TBC1D22B: variants seen among roughly 807,000 people sequenced by gnomAD.
TBC1D22B encodes chromosome 6 open reading frame 197.
In TBC1D22B, 32 loss-of-function variants were observed where a neutral mutation model predicts 69.1. That is an observed-to-expected ratio of 0.46 (90% CI 0.35 to 0.62). The LOEUF (loss-of-function observed/expected upper bound fraction) is 0.62. TBC1D22B is among the 20% of genes least tolerant of loss of function. The pLI is 0.00. For missense variants in TBC1D22B, 462 were observed against 630.9 expected, an observed-to-expected ratio of 0.73 and a Z score of 2.87; for synonymous variants, 206 against 229.8, an observed-to-expected ratio of 0.90 and a Z score of 0.94.
chr6:37,310,590 C>G (rs1035448848), intron 8 of TBC1D22B, among the ~76,000 whole-genome samples: 1 of 152,142 alleles, frequency 6.6e-6, no homozygotes, highest in Non-Finnish European at 1.5e-5. Flanking sequence ...ATTGCTTGAA[C>G]CTGGAAGGTA....
intron 7 of TBC1D22B, 143 bp from the exon 8 acceptor site, chr6:37,291,100 A>T: frequency 1.6e-6 from 1 of 638,798 alleles, no homozygotes; most frequent in Non-Finnish European, 2.8e-6. Flanking sequence ...TTGCATTTAT[A>T]TACTTCTTTA....
intron 2 of TBC1D22B, among the ~76,000 whole-genome samples, chr6:37,275,492 C>CT (rs552805501): frequency 6.1e-4 from 93 of 152,234 alleles, no homozygotes; most frequent in African/African-American, 2.2e-3. Flanking sequence ...TTTTTAGCTG[C>CT]TTTTTTCAAG....
In TBC1D22B at chr6:37,313,873, C is replaced by T; in HGVS notation, c.1147C>T (p.Leu383Phe). 1 of 1,614,152 alleles carries T rather than the reference C, an allele frequency of 6.2e-7. No individual in the cohort carries two copies. The highest frequency in any genetic ancestry group is 8.5e-7 in the Non-Finnish European group (1 of 1,179,990). ...GAAGAAGGTGAAGGCACTGGAAGAG[C>T]TTGTCAGCCGGATTGATGGTAGGTT... ...IQKKVKALEELVSRIDEQVHN... is the reference protein window; with the variant it reads ...IQKKVKALEEFVSRIDEQVHN... The change falls in exon 10 of 13, where the codon CTT becomes TTT. Residue 383 changes from leucine (L) to phenylalanine (F), a missense_variant. By Grantham distance (22) the Leu-to-Phe change is conservative. Around this residue, in one of 2 missense-constraint regions of TBC1D22B, gnomAD observed 225 missense variants for 375.4 expected, o/e 0.60. Coordinates refer to ENST00000373491, the MANE Select transcript of TBC1D22B (RefSeq NM_017772.4).
Position 37,316,695 on chromosome 6 carries a change from T to C in TBC1D22B, c.1166-8T>C. 6 of 1,614,176 alleles carry C rather than the reference T, an allele frequency of 3.7e-6. No homozygotes were observed. Among genetic ancestry groups the C allele is most frequent in the Non-Finnish European group, 5.1e-6 (6 of 1,180,012 alleles). ...TAGGTTGATCCCCAATGATGCTTCC[T>C]GTTTCAGAGCAGGTACATAATCACT... On this transcript the variant is annotated splice_polypyrimidine_tract_variant and splice_region_variant and intron_variant, in intron 10 of 12. Transcript: ENST00000373491.
At chr6:37,317,228 G>A in intron 12 of TBC1D22B, 22 bp downstream of exon 12, 6 of 1,552,366 alleles carry the variant, frequency 3.9e-6, no homozygotes, top group Non-Finnish European at 5.2e-6. Context: ...AGAGCTTAGT[G>A]TGGGCAGGGA....
chr6:37,307,348 C>T (rs1244630017), intron 8 of TBC1D22B, among the ~76,000 whole-genome samples: 9 of 147,150 alleles, frequency 6.1e-5, no homozygotes, highest in African/African-American at 2.5e-5. Context: ...ATTTTTTTTT[C>T]TTTTTTTTCT....
At position 37,282,288 on chromosome 6, in the gene TBC1D22B, C is replaced by G. The variant is rs144922505; in HGVS notation, c.525C>G (p.Ala175=). Residue 175 remains alanine, a synonymous_variant, in exon 4 of 13, where the codon GCC becomes GCG. Transcript: ENST00000373491. ...TCTCGGATCAGAACGCTTCTGGGGC[C>G]CCCCCAATGACTGTCCGGGAGAAAA... ...ARISDQNASG[A]PPMTVREKTR... 7 of 1,614,094 alleles carry G rather than the reference C, an allele frequency of 4.3e-6. No homozygotes were observed. In the East Asian group the frequency reaches 1.6e-4, roughly 36 times the overall value.
chr6:37,321,144 C>T (rs184349181), intron 12 of TBC1D22B, among the ~76,000 whole-genome samples: 2 of 152,206 alleles, frequency 1.3e-5, no homozygotes, highest in African/African-American at 2.4e-5. Context: ...TTGCAACAAT[C>T]CTACAAGGTA....
chr6:37,305,196 G>A (rs1767674332), intron 8 of TBC1D22B, among the ~76,000 whole-genome samples: 1 of 152,132 alleles, frequency 6.6e-6, no homozygotes, highest in Non-Finnish European at 1.5e-5. Flanking sequence ...CATCAGCTTT[G>A]CCCAGTCTGT....
At chr6:37,258,197 G>C in intron 1 of TBC1D22B, 1 of 565,484 alleles carries the variant, frequency 1.8e-6, no homozygotes, top group Non-Finnish European at 3.1e-6. Flanking sequence ...GGAGGTTTCA[G>C]GAGGGGTGAC....
At chr6:37,299,813 C>T (rs1334903973) in intron 8 of TBC1D22B, among the ~76,000 whole-genome samples, 2 of 151,656 alleles carry the variant, frequency 1.3e-5, no homozygotes, top group Non-Finnish European at 1.5e-5. Context: ...AGTTCCAGAC[C>T]AATTTGGTCA....
intron 3 of TBC1D22B, among the ~76,000 whole-genome samples, chr6:37,279,901 T>C (rs1766774472): frequency 6.6e-6 from 1 of 152,222 alleles, no homozygotes; most frequent in African/African-American, 2.4e-5. Flanking sequence ...GTCCACAACT[T>C]CTCTGGTTTG....
intron 7 of TBC1D22B, among the ~76,000 whole-genome samples, chr6:37,290,883 C>T (rs190993745): frequency 7.9e-5 from 12 of 152,024 alleles, no homozygotes; most frequent in African/African-American, 2.9e-4. Flanking sequence ...TGATATCTTG[C>T]TCTTGGAAAT....
At chr6:37,312,895 T>C (rs1437356464) in intron 8 of TBC1D22B, 23 bp from the exon 9 acceptor site, 7 of 1,592,002 alleles carry the variant, frequency 4.4e-6, no homozygotes, top group Admixed American at 1.7e-5. Flanking sequence ...ACCTCTGGAC[T>C]TTCTTCACCT....
intron 8 of TBC1D22B, among the ~76,000 whole-genome samples, chr6:37,297,382 T>C (rs984979366): frequency 6.6e-6 from 1 of 152,226 alleles, no homozygotes; most frequent in African/African-American, 2.4e-5. Flanking sequence ...ACACTGGTTT[T>C]TAAAGTACTT....
intron 2 of TBC1D22B, among the ~76,000 whole-genome samples, chr6:37,277,395 G>A (rs948735109): frequency 6.6e-6 from 1 of 152,044 alleles, no homozygotes; most frequent in Non-Finnish European, 1.5e-5. Flanking sequence ...AGCAGCCATG[G>A]TGGATGAGTC....
rs77069346 is a variant in TBC1D22B, at chr6:37,281,719, T to A, written c.422-466T>A. 3.7e-3 allele frequency among the ~76,000 whole-genome samples: 566 copies of A among 152,336 alleles called. 2 individuals carry two copies. The highest frequency in any genetic ancestry group is 0.013 in the African/African-American group (536 of 41,584). On this transcript the variant is annotated intron_variant, in intron 3 of 12. Coordinates refer to ENST00000373491, the MANE Select transcript of TBC1D22B (RefSeq NM_017772.4). The stretch of plus-strand genomic sequence containing the variant: ...TGTCATCTGCAGTGTCATCATTCCT[T>A]ATGTGCTCTGTGGTGTGGAATGGGA...
At chr6:37,295,099 A>C (rs550333449) in intron 8 of TBC1D22B, among the ~76,000 whole-genome samples, 45 of 152,158 alleles carry the variant, frequency 3.0e-4, no homozygotes, top group African/African-American at 1.0e-3. Flanking sequence ...TTTTAAAAAA[A>C]TTTTATTTAT....
chr6:37,292,745 ATTAG>A (rs1290784580), intron 8 of TBC1D22B, among the ~76,000 whole-genome samples: 17 of 152,150 alleles, frequency 1.1e-4, no homozygotes, highest in South Asian at 2.1e-4. Context: ...TGTAGTTCTG[ATTAG>A]TTATTTAATT....
Sources: gnomAD v4.1 joint callset for allele counts (sites outside exome capture counted in the v4.1 genomes callset) on GRCh38, gnomAD v4.1.1 for gene constraint, gnomAD v4.1.1 regional missense constraint, MANE v1.5 for transcripts, NCBI Gene and HGNC (gene_info 2026-07-23, HGNC 2026-07-21) for gene names.